FBXO36: variants seen among roughly 807,000 people sequenced by gnomAD.
FBXO36 encodes F-box protein 36.
In FBXO36, 18 loss-of-function variants were observed where a neutral mutation model predicts 17.0. The observed-to-expected ratio is 1.06, with a 90% confidence interval of 0.73 to 1.57. The LOEUF (loss-of-function observed/expected upper bound fraction) is 1.57, where lower values mean the gene tolerates loss of function less well. FBXO36 is among the 40% of genes most tolerant of loss of function. FBXO36 has a pLI of 0.00. For missense variants in FBXO36, 229 were observed against 221.9 expected (o/e 1.03, Z -0.20); for synonymous variants, 83 against 85.3 (o/e 0.97, Z 0.15).
chr2:229,965,214 G>C (rs2077145171), intron 1 of FBXO36, among the ~76,000 whole-genome samples: 1 of 146,808 alleles, frequency 6.8e-6, no homozygotes. Context: ...CAAACACCTG[G>C]GCCCAAGTTC....
At chr2:229,959,401 G>T (rs1281971168) in intron 1 of FBXO36, among the ~76,000 whole-genome samples, 2 of 152,084 alleles carry the variant, frequency 1.3e-5, no homozygotes, top group Non-Finnish European at 2.9e-5. Flanking sequence ...GCAAAATCTT[G>T]TGCAAGTTTT....
chr2:229,976,256 T>C lies in FBXO36; in HGVS notation c.112T>C (p.Trp38Arg). 4 of 1,604,588 alleles carry C rather than the reference T, an allele frequency of 2.5e-6. No homozygotes were observed. Among genetic ancestry groups the C allele is most frequent in the South Asian group, 2.3e-5 (2 of 88,584 alleles). ...TTAATTATAGGTAATCTTTAGATGG[T>C]GGAAGATCTCTCTAAGGAGTGAGTA... is the stretch of plus-strand genomic sequence containing the variant. The part of the protein sequence containing the change: ...VTRSQVIFRW[W>R]KISLRSEYRS... Residue 38 changes from tryptophan (W) to arginine (R), a missense_variant, in exon 2 of 4, where the codon TGG becomes CGG. By Grantham distance (101) the Trp-to-Arg change is moderately radical (BLOSUM62 -3). Coordinates refer to ENST00000283946, the MANE Select transcript of FBXO36 (RefSeq NM_174899.5).
In FBXO36 at chr2:229,996,736, T is replaced by A. The variant is rs570572146; in HGVS notation, c.206-15T>A. The A allele has an allele frequency of 4.0e-5, 64 of 1,599,500 alleles. No homozygotes were observed. The highest frequency in any genetic ancestry group is 5.3e-5 in the Non-Finnish European group (62 of 1,173,698). ...GACTGTATATGATAACCATGTTGGC[T>A]TCTTTGAATTACAGGTCAAACTGCC... is the stretch of plus-strand genomic sequence containing the variant. On this transcript the variant is annotated splice_polypyrimidine_tract_variant and intron_variant, in intron 2 of 3. Coordinates refer to ENST00000283946, the MANE Select transcript of FBXO36 (RefSeq NM_174899.5).
intron 2 of FBXO36, among the ~76,000 whole-genome samples, chr2:229,986,352 T>A (rs1278631834): frequency 2.0e-5 from 3 of 151,824 alleles, no homozygotes; most frequent in Admixed American, 2.0e-4. Context: ...AATGCAAAAA[T>A]TAACTGGGTG....
intron 1 of FBXO36, among the ~76,000 whole-genome samples, chr2:229,957,672 C>T (rs2077096068): frequency 6.6e-6 from 1 of 152,108 alleles, no homozygotes; most frequent in South Asian, 2.1e-4. Context: ...GAGTCAATAA[C>T]AAGAAGAAAT....
Position 229,922,564 on chromosome 2 carries a change from G to A in FBXO36, c.51G>A (p.Pro17=), listed in dbSNP as rs537072453. The A allele has an allele frequency of 1.6e-5, 26 of 1,613,960 alleles. No individual in the cohort carries two copies. The highest frequency in any genetic ancestry group is 5.0e-5 in the Admixed American group (3 of 59,988). ...ETLFETVGQG[P]PPSKDYYQLL... is the part of the protein sequence containing the mutation. ...TCTTTGAAACTGTAGGACAAGGCCC[G>A]CCGCCTAGCAAAGACTATTACCAGT... is the stretch of plus-strand genomic sequence containing the variant. Residue 17 remains proline (P), a synonymous_variant, in exon 1 of 4, where the codon CCG becomes CCA. Transcript: ENST00000283946.
chr2:229,946,836 A>C (rs2077029651), intron 1 of FBXO36, among the ~76,000 whole-genome samples: 1 of 152,216 alleles, frequency 6.6e-6, no homozygotes, highest in South Asian at 2.1e-4. Flanking sequence ...TATTTGTTGC[A>C]TTAATAAATA....
intron 1 of FBXO36, among the ~76,000 whole-genome samples, chr2:229,923,792 T>C (rs1226276271): frequency 1.3e-5 from 2 of 151,210 alleles, no homozygotes; most frequent in Admixed American, 6.6e-5. Context: ...TTTGCACATT[T>C]AGTGATGTAT....
chr2:229,944,622 A>T (rs1457369664), intron 1 of FBXO36, among the ~76,000 whole-genome samples: 10 of 132,064 alleles, frequency 7.6e-5, no homozygotes, highest in African/African-American at 2.9e-4. Flanking sequence ...AGACGGAGTC[A>T]CGCTCTGTCG....
intron 1 of FBXO36, among the ~76,000 whole-genome samples, chr2:229,939,739 G>A (rs2076987429): frequency 6.6e-6 from 1 of 152,162 alleles, no homozygotes; most frequent in Admixed American, 6.5e-5. Flanking sequence ...TCCCTCTTCT[G>A]AAGATGGCGG....
At chr2:229,998,554 G>A (rs1161184007) in intron 3 of FBXO36, among the ~76,000 whole-genome samples, 8 of 151,958 alleles carry the variant, frequency 5.3e-5, no homozygotes, top group Non-Finnish European at 1.2e-4. Flanking sequence ...CCCGGGAGGC[G>A]GAGGTTGTGG....
chr2:229,967,519 A>T (rs1370221182), intron 1 of FBXO36, among the ~76,000 whole-genome samples: 4 of 152,190 alleles, frequency 2.6e-5, no homozygotes, highest in Admixed American at 2.6e-4. Flanking sequence ...TGGGTTTGTC[A>T]TAAATAGCTG....
At chr2:229,976,153 C>T (rs947566030) in intron 1 of FBXO36, 88 bp from the exon 2 acceptor site, 20 of 880,534 alleles carry the variant, frequency 2.3e-5, no homozygotes, top group Middle Eastern at 3.4e-4. Flanking sequence ...GACACATAGC[C>T]TTATGCAAAT....
chr2:229,963,012 A>G (rs906711741), intron 1 of FBXO36, among the ~76,000 whole-genome samples: 1 of 150,156 alleles, frequency 6.7e-6, no homozygotes, highest in African/African-American at 2.5e-5. Flanking sequence ...ATAACTGAGT[A>G]CTCCTTTGTG....
chr2:229,955,692 C>G (rs1577339520), intron 1 of FBXO36, among the ~76,000 whole-genome samples: 1 of 152,192 alleles, frequency 6.6e-6, no homozygotes, highest in African/African-American at 2.4e-5. Flanking sequence ...TGCTCAAGCA[C>G]ACCATTCGAA....
chr2:229,928,908 G>A (rs1294985866), intron 1 of FBXO36, among the ~76,000 whole-genome samples: 1 of 151,758 alleles, frequency 6.6e-6, no homozygotes, highest in Non-Finnish European at 1.5e-5. Context: ...TTACAAGCAT[G>A]AATTTCTGTA....
intron 2 of FBXO36, among the ~76,000 whole-genome samples, chr2:229,982,603 T>C (rs1260516195): frequency 6.6e-6 from 1 of 151,578 alleles, no homozygotes; most frequent in Non-Finnish European, 1.5e-5. Context: ...GGTTAGGAGT[T>C]TGAGACCAGC....
chr2:230,004,940 A>G (rs2077379217), intron 3 of FBXO36, among the ~76,000 whole-genome samples: 1 of 152,158 alleles, frequency 6.6e-6, no homozygotes, highest in African/African-American at 2.4e-5. Flanking sequence ...CAGAAGGCAG[A>G]GTTTGCAGTG....
chr2:229,940,256 G>A (rs960659718), intron 1 of FBXO36, among the ~76,000 whole-genome samples: 1 of 152,040 alleles, frequency 6.6e-6, no homozygotes, highest in Admixed American at 6.6e-5. Context: ...TTTTAAACAC[G>A]GATTTTGTTT....
Sources: gnomAD v4.1 joint callset for allele counts (sites outside exome capture counted in the v4.1 genomes callset) on GRCh38, gnomAD v4.1.1 for gene constraint, MANE v1.5 for transcripts, NCBI Gene and HGNC (gene_info 2026-07-23, HGNC 2026-07-21) for gene names.